Variants in N4BP2L1 observed in about 807,000 individuals in gnomAD.
N4BP2L1 encodes the protein NEDD4 binding protein 2 like 1, also known as NEDD4-binding protein 2-like 1.
A neutral mutation model predicts 21.2 loss-of-function variants in N4BP2L1; 12 were observed. The ratio of observed to expected loss-of-function variants is 0.57; its 90% confidence interval spans 0.36 to 0.92. The LOEUF (loss-of-function observed/expected upper bound fraction) is 0.92, where lower values mean the gene tolerates loss of function less well. Among genes scored for constraint, N4BP2L1 ranks in the 40% least tolerant of loss-of-function variants. The pLI, the probability that N4BP2L1 is intolerant of heterozygous loss-of-function variation, is 0.01. For synonymous variants in N4BP2L1, 104 were observed against 112.8 expected (o/e 0.92, Z 0.49); for missense variants, 259 against 310.6 (o/e 0.83, Z 1.25).
chr13:32,411,816 CCAGT>C lies in N4BP2L1; in HGVS notation c.180-4048_180-4045del, dbSNP rs559160182. The C allele has an allele frequency of 1.6e-4, 157 of 967,112 alleles. 3 individuals are homozygous for C. In the South Asian group the frequency reaches 6.7e-3, roughly 41 times the overall value. The allele number at this position is 967,112 out of a possible 1,614,324, so 59.9% of individuals were successfully genotyped here. On this transcript the variant is annotated intron_variant, in intron 1 of 4. Coordinates refer to ENST00000380130, the MANE Select transcript of N4BP2L1 (RefSeq NM_052818.3). Reference sequence around the variant, plus strand: ...GAGATATATTTAGATATCTCTTCAGCCAGTCAGTCACTCACTGAGAAAGTCAGAC... The same window carrying C: ...GAGATATATTTAGATATCTCTTCAGCCAGTCACTCACTGAGAAAGTCAGAC...
intron 1 of N4BP2L1, among the ~76,000 whole-genome samples, chr13:32,417,771 G>A (rs953302665): frequency 5.3e-5 from 8 of 152,214 alleles, no homozygotes; most frequent in Non-Finnish European, 1.2e-4. Context: ...TGAAGTCCAG[G>A]CTGAGGTGGT....
Position 32,400,837 on chromosome 13 carries a change from AT to A in N4BP2L1, c.*2104del, listed in dbSNP as rs1265679294. ...CAAACAGCGAACACAATACAAGTCA[AT>A]ATTGGGTGTTCAAAGAGTTACACAA... is the stretch of plus-strand genomic sequence containing the variant. On this transcript the variant is annotated 3_prime_UTR_variant, in exon 5 of 5. Coordinates refer to ENST00000380130, the MANE Select transcript of N4BP2L1 (RefSeq NM_052818.3). The A allele has an allele frequency of 6.6e-6, 1 of 152,224 alleles. No homozygotes were observed. The highest frequency in any genetic ancestry group is 1.5e-5 in the Non-Finnish European group (1 of 68,028). The allele number at this position is 152,224 out of a possible 1,614,324, so 9.4% of individuals were successfully genotyped here. A position where few individuals can be genotyped will look rare whatever the true frequency, so the allele number is the denominator to read the frequency against.
At chr13:32,427,043 G>A (rs916361399) in intron 1 of N4BP2L1, among the ~76,000 whole-genome samples, 1 of 152,234 alleles carries the variant, frequency 6.6e-6, no homozygotes, top group Non-Finnish European at 1.5e-5. Context: ...AACATCAAGC[G>A]CAAGGCAGGG....
At chr13:32,423,003 C>G (rs539605776) in intron 1 of N4BP2L1, among the ~76,000 whole-genome samples, 2 of 152,318 alleles carry the variant, frequency 1.3e-5, no homozygotes, top group Admixed American at 6.5e-5. Context: ...AAACACACCA[C>G]AGTCCAGGCC....
intron 1 of N4BP2L1, among the ~76,000 whole-genome samples, chr13:32,415,299 A>G (rs541896584): frequency 6.6e-6 from 1 of 152,344 alleles, no homozygotes; most frequent in Non-Finnish European, 1.5e-5. Flanking sequence ...AGTTGGGCAC[A>G]CTGCCACACC....
intron 1 of N4BP2L1, among the ~76,000 whole-genome samples, chr13:32,410,596 A>C (rs1648118083): frequency 2.6e-5 from 4 of 152,226 alleles, no homozygotes; most frequent in African/African-American, 7.2e-5. Flanking sequence ...ACGCACATCG[A>C]AAGTCCAAAC....
At chr13:32,427,146 C>G (rs2074814579) in intron 1 of N4BP2L1, among the ~76,000 whole-genome samples, 1 of 152,226 alleles carries the variant, frequency 6.6e-6, no homozygotes, top group Non-Finnish European at 1.5e-5. Flanking sequence ...ACCGGAGGGC[C>G]GCTTACGCAA....
chr13:32,411,808 C>G (rs1403851715), intron 1 of N4BP2L1: 1 of 973,208 alleles, frequency 1.0e-6, no homozygotes, highest in African/African-American at 1.8e-5. Flanking sequence ...ATTTAGATAT[C>G]TCTTCAGCCA....
At chr13:32,409,285 G>C (rs1016237359) in intron 1 of N4BP2L1, among the ~76,000 whole-genome samples, 2 of 152,168 alleles carry the variant, frequency 1.3e-5, no homozygotes, top group Non-Finnish European at 2.9e-5. Context: ...AAGCTTGATA[G>C]CATTTAAAAA....
At chr13:32,416,414 C>T (rs551492102) in intron 1 of N4BP2L1, 2 of 152,322 alleles carry the variant, frequency 1.3e-5, no homozygotes, top group South Asian at 4.1e-4. Flanking sequence ...AAAATAACCA[C>T]ATTTATTTAT....
chr13:32,416,042 CAT>C (rs1432560334), intron 1 of N4BP2L1: 1 of 152,238 alleles, frequency 6.6e-6, no homozygotes, highest in African/African-American at 2.4e-5. Context: ...GTGTGGAACA[CAT>C]AAACACTCAA....
chr13:32,423,095 TCTCA>T (rs1231343844), intron 1 of N4BP2L1, among the ~76,000 whole-genome samples: 1 of 152,214 alleles, frequency 6.6e-6, no homozygotes, highest in Non-Finnish European at 1.5e-5. Flanking sequence ...GGCCCCCTGT[TCTCA>T]CTGTTTCTCA....
At chr13:32,407,853 A>G in intron 1 of N4BP2L1, 81 bp from the exon 2 acceptor site, 1 of 1,446,030 alleles carries the variant, frequency 6.9e-7, no homozygotes, top group Non-Finnish European at 9.3e-7. Flanking sequence ...TCCATCTCTA[A>G]CATTTAGCAG....
At chr13:32,411,826 A>C (rs1273116390) in intron 1 of N4BP2L1, 1 of 960,286 alleles carries the variant, frequency 1.0e-6, no homozygotes, top group East Asian at 1.1e-4. Context: ...CCAGTCAGTC[A>C]CTCACTGAGA....
intron 1 of N4BP2L1, chr13:32,411,414 CAGCCATAGT>C (rs1262566072): frequency 5.3e-6 from 3 of 569,116 alleles, no homozygotes; most frequent in Non-Finnish European, 6.7e-6. Flanking sequence ...TTAGCACTAG[CAGCCATAGT>C]AGCATGTTGA....
At chr13:32,429,169 AAAAC>A (rs2074929857), upstream of N4BP2L1, among the ~76,000 whole-genome samples, 2 of 152,380 alleles carry the variant, frequency 1.3e-5, no homozygotes, top group Admixed American at 6.5e-5. Flanking sequence ...ATTTCCTTCT[AAAAC>A]AAAATCCAGA....
intron 1 of N4BP2L1, among the ~76,000 whole-genome samples, chr13:32,408,113 C>A (rs1474193094): frequency 6.6e-6 from 1 of 152,190 alleles, no homozygotes; most frequent in Non-Finnish European, 1.5e-5. Flanking sequence ...TTCCTGGGCA[C>A]CAATCCCGGT....
At chr13:32,428,166 C>T (rs1335425234), upstream of N4BP2L1, 7 of 1,331,002 alleles carry the variant, frequency 5.3e-6, no homozygotes, top group Non-Finnish European at 6.8e-6. Flanking sequence ...TTGTGACTCT[C>T]CGGCCATGTG....
chr13:32,415,169 C>CT (rs1471878470), intron 1 of N4BP2L1, among the ~76,000 whole-genome samples: 2 of 152,130 alleles, frequency 1.3e-5, no homozygotes, highest in Non-Finnish European at 2.9e-5. Context: ...AGTCTAGCAT[C>CT]TTTTTTAGCA....
Sources: gnomAD v4.1 joint callset for allele counts (sites outside exome capture counted in the v4.1 genomes callset) on GRCh38, gnomAD v4.1.1 for gene constraint, MANE v1.5 for transcripts, NCBI Gene and HGNC (gene_info 2026-07-23, HGNC 2026-07-21) for gene names.